The following TRIM58 variants were observed in gnomAD, a reference collection of about 807,000 sequenced individuals.
The protein encoded by TRIM58 is E3 ubiquitin-protein ligase TRIM58.
In TRIM58, 38 loss-of-function variants were observed where a neutral mutation model predicts 34.1. The ratio of observed to expected loss-of-function variants is 1.12; its 90% confidence interval spans 0.86 to 1.46. The LOEUF is 1.46. Among genes scored for constraint, TRIM58 ranks in the 40% most tolerant of loss-of-function variants. The pLI is 0.00. For synonymous variants in TRIM58, 273 were observed against 275.7 expected (o/e 0.99, Z 0.10); for missense variants, 677 against 642.0 (o/e 1.05, Z -0.59).
chr1:247,861,564 A>G (rs1464171422), intron 2 of TRIM58, among the ~76,000 whole-genome samples: 1 of 152,028 alleles, frequency 6.6e-6, no homozygotes, highest in Non-Finnish European at 1.5e-5. Context: ...CATATAATGT[A>G]TTATATAATA....
chr1:247,879,743 T>G lies in TRIM58; in HGVS notation c.*3254T>G, dbSNP rs934248846. 2.0e-5 allele frequency among the ~76,000 whole-genome samples: 3 copies of G among 151,468 alleles called. No homozygotes were observed. Among genetic ancestry groups the G allele is most frequent in the African/African-American group, 7.3e-5 (3 of 41,190 alleles). ...CAGGGCCATTTCCCCGCCTGTGGCT[T>G]CTGCTTGACATTCCCTTTTCCCTGA... On this transcript the variant is annotated 3_prime_UTR_variant, in exon 6 of 6. Transcript: ENST00000366481.
At chr1:247,862,615 A>G (rs1663818969) in intron 2 of TRIM58, among the ~76,000 whole-genome samples, 1 of 152,176 alleles carries the variant, frequency 6.6e-6, no homozygotes, top group African/African-American at 2.4e-5. Flanking sequence ...TGGCCTGACC[A>G]TAGATCTATA....
chr1:247,862,307 C>G (rs1380733823), intron 2 of TRIM58, among the ~76,000 whole-genome samples: 1 of 152,086 alleles, frequency 6.6e-6, no homozygotes, highest in Non-Finnish European at 1.5e-5. Flanking sequence ...TACTGACAAA[C>G]TTATCAATAT....
chr1:247,860,992 G>C (rs1331711730), intron 2 of TRIM58, among the ~76,000 whole-genome samples: 3 of 152,216 alleles, frequency 2.0e-5, no homozygotes, highest in African/African-American at 7.2e-5. Flanking sequence ...CTGTCACCTA[G>C]AATAGCATCT....
At position 247,876,121 on chromosome 1, in the gene TRIM58, G is replaced by A; in HGVS notation, c.1093G>A (p.Asp365Asn). 3 of 1,614,126 alleles carry A rather than the reference G, an allele frequency of 1.9e-6. No individual in the cohort carries two copies. The South Asian group carries it at 3.3e-5, about 18-fold the overall frequency. ...GAEWGLGVCQDTLPRKGETTP... is the reference protein window; with the variant it reads ...GAEWGLGVCQNTLPRKGETTP... ...AGAGTGGGGTTTAGGGGTCTGTCAA[G>A]ACACACTGCCAAGAAAGGGGGAAAC... Residue 365 changes from aspartate to asparagine, a missense_variant, in exon 6 of 6, where the codon GAC (aspartate) becomes AAC (asparagine). Asp to Asn is a conservative substitution (Grantham distance 23). Coordinates refer to ENST00000366481, the MANE Select transcript of TRIM58 (RefSeq NM_015431.4).
chr1:247,858,916 G>A (rs1343218622), intron 1 of TRIM58, among the ~76,000 whole-genome samples: 3 of 151,788 alleles, frequency 2.0e-5, no homozygotes, highest in Admixed American at 6.6e-5. Context: ...ACAGGTATGC[G>A]TCACCACACC....
Position 247,857,683 on chromosome 1 carries a change from CG to C in TRIM58, c.420+22del, listed in dbSNP as rs1366617506. The stretch of plus-strand genomic sequence containing the variant: ...AGCTACCAGGTGAGGCGCCCCCCGG[CG>C]GGGGCTGCGGGCGCTGCGGTGACCG... On this transcript the variant is annotated intron_variant, in intron 1 of 5. Transcript: ENST00000366481. 5 of 1,220,846 alleles carry C rather than the reference CG, an allele frequency of 4.1e-6. No individual in the cohort carries two copies. The South Asian group carries it at 1.1e-4, about 27-fold the overall frequency. The allele number at this position is 1,220,846 out of a possible 1,614,324, so 75.6% of individuals were successfully genotyped here.
At chr1:247,869,220 G>A (rs956570036) in intron 5 of TRIM58, among the ~76,000 whole-genome samples, 3 of 152,174 alleles carry the variant, frequency 2.0e-5, no homozygotes, top group Non-Finnish European at 4.4e-5. Context: ...GTTATTTTGG[G>A]TTTTTATGGA....
chr1:247,859,550 G>C (rs1381073791), intron 1 of TRIM58, among the ~76,000 whole-genome samples: 2 of 151,912 alleles, frequency 1.3e-5, no homozygotes, highest in African/African-American at 2.4e-5. Context: ...TTTACCTCTA[G>C]TGAGCGCCCT....
intron 1 of TRIM58, 144 bp from the exon 2 acceptor site, chr1:247,860,473 T>G: frequency 8.7e-6 from 5 of 576,504 alleles, no homozygotes; most frequent in Admixed American, 3.3e-5. Flanking sequence ...CTTAAGTACA[T>G]TTATGTTTAG....
At chr1:247,867,787 C>CT (rs1356765264) in intron 3 of TRIM58, 58 bp from the exon 4 acceptor site, 9 of 1,607,854 alleles carry the variant, frequency 5.6e-6, no homozygotes, top group South Asian at 1.1e-5. Context: ...GGTCTTCAGT[C>CT]TGACTGTGAA....
intron 5 of TRIM58, among the ~76,000 whole-genome samples, chr1:247,871,734 T>A (rs184953706): frequency 9.2e-5 from 14 of 152,356 alleles, no homozygotes; most frequent in Admixed American, 7.8e-4. Flanking sequence ...TCACCCATTC[T>A]TTTAAACATT....
At chr1:247,872,293 G>A (rs1659148012) in intron 5 of TRIM58, among the ~76,000 whole-genome samples, 1 of 152,218 alleles carries the variant, frequency 6.6e-6, no homozygotes, top group Non-Finnish European at 1.5e-5. Context: ...AAGGGTCTTT[G>A]CAGTAATTTG....
In TRIM58 at chr1:247,864,926, TCTG is replaced by T; in HGVS notation, c.742_744del (p.Leu248del). ...AGAGGTGCCAGCGCCCGGCCCTGGG[TCTG>T]CTGGAGGTGAGGCCGGGTGCCAGAA... On this transcript the variant is annotated inframe_deletion, in exon 3 of 6. Coordinates refer to ENST00000366481, the MANE Select transcript of TRIM58 (RefSeq NM_015431.4). 6.3e-7 allele frequency: 1 copy of T among 1,575,710 alleles called. No homozygotes were observed. Among genetic ancestry groups the T allele is most frequent in the Non-Finnish European group, 8.6e-7 (1 of 1,161,008 alleles).
chr1:247,875,896 G>T lies in TRIM58; in HGVS notation c.872-4G>T. ...TCACCTGGTCCACCACATTCTTTCC[G>T]CAGTGGATGTAAAGCTGGATCCCGC... On this transcript the variant is annotated splice_polypyrimidine_tract_variant and splice_region_variant and intron_variant, in intron 5 of 5. Coordinates refer to ENST00000366481, the MANE Select transcript of TRIM58 (RefSeq NM_015431.4). The T allele has an allele frequency of 3.1e-6, 5 of 1,603,368 alleles. No homozygotes were observed. The highest frequency in any genetic ancestry group is 4.3e-6 in the Non-Finnish European group (5 of 1,173,734).
chr1:247,869,856 G>C (rs1215642495), intron 5 of TRIM58, among the ~76,000 whole-genome samples: 1 of 152,210 alleles, frequency 6.6e-6, no homozygotes, highest in Non-Finnish European at 1.5e-5. Context: ...GGAATCGCAG[G>C]AGAGTAATGA....
intron 2 of TRIM58, among the ~76,000 whole-genome samples, chr1:247,862,277 T>C (rs1471855715): frequency 6.6e-6 from 1 of 152,196 alleles, no homozygotes; most frequent in African/African-American, 2.4e-5. Context: ...TGAAGAAATA[T>C]TTAAACTTAT....
chr1:247,871,620 C>A (rs1659122757), intron 5 of TRIM58, among the ~76,000 whole-genome samples: 1 of 152,152 alleles, frequency 6.6e-6, no homozygotes, highest in Non-Finnish European at 1.5e-5. Context: ...ATGCTAAATG[C>A]CCAACTTGAT....
rs775100678 is a variant in TRIM58, at chr1:247,876,482, A to G, written c.1454A>G (p.His485Arg). 1.2e-6 allele frequency: 2 copies of G among 1,612,610 alleles called. No homozygotes were observed. Among genetic ancestry groups the G allele is most frequent in the South Asian group, 1.1e-5 (1 of 90,968 alleles). Residue 485 changes from histidine to arginine, a missense_variant, in exon 6 of 6, where the codon CAT becomes CGT. His to Arg is a conservative substitution (Grantham distance 29). Transcript: ENST00000366481. ...LDPASDVRDD[H>R]L ...CCTGCTTCTGATGTAAGAGATGATC[A>G]TCTCTAAAATTCTGTTCCCAAGATG...
Sources: allele counts gnomAD v4.1 joint callset (sites outside exome capture counted in the v4.1 genomes callset), GRCh38; gene constraint gnomAD v4.1.1; transcripts MANE v1.5; gene names NCBI Gene and HGNC (gene_info 2026-07-23, HGNC 2026-07-21).